CHRDL1: variants seen among roughly 807,000 people sequenced by gnomAD.
CHRDL1 encodes the protein chordin-like protein 1.
A neutral mutation model predicts 40.9 loss-of-function variants in CHRDL1; 19 were observed. The observed-to-expected ratio is 0.46, with a 90% CI of 0.32 to 0.68. The LOEUF (loss-of-function observed/expected upper bound fraction) is 0.68, where lower values mean the gene tolerates loss of function less well. Ranked by LOEUF, CHRDL1 falls within the 30% of genes least tolerant of loss-of-function variation. CHRDL1 has a pLI of 0.03. For missense variants in CHRDL1, 329 were observed against 352.1 expected (o/e 0.93, Z 0.53); for synonymous variants, 136 against 123.4 (o/e 1.10, Z -0.68).
chrX:110,791,525 G>A lies in CHRDL1; in HGVS notation c.94+563C>T, dbSNP rs964270730. On this transcript the variant is annotated intron_variant, in intron 2 of 11. Transcript: ENST00000372042. ...TTCTAGAAATATTCCCTGGCTTTGCGGGGATGTTCTTTTCAATAAATGGCA... is the reference window on the plus strand; with the variant it reads ...TTCTAGAAATATTCCCTGGCTTTGCAGGGATGTTCTTTTCAATAAATGGCA... Among the ~76,000 whole-genome samples the A allele has an allele frequency of 3.6e-5, 4 of 111,701 alleles. No homozygotes were observed. In the Middle Eastern group the frequency reaches 0.018, roughly 510 times the overall value.
chrX:110,760,576 C>T (rs774911960), intron 3 of CHRDL1, among the ~76,000 whole-genome samples: 2 of 111,653 alleles, frequency 1.8e-5, no homozygotes, highest in Non-Finnish European at 3.8e-5. Context: ...ATTTTGACTG[C>T]GTTGCAGACA....
chrX:110,747,044 C>G (rs765450167), intron 4 of CHRDL1, among the ~76,000 whole-genome samples: 1 of 110,623 alleles, frequency 9.0e-6, no homozygotes, highest in South Asian at 3.9e-4. Context: ...ATTGGCCCCC[C>G]CTGCCTTCCT....
chrX:110,684,171 C>T (rs778534278), intron 9 of CHRDL1, among the ~76,000 whole-genome samples: 1 of 112,146 alleles, frequency 8.9e-6, no homozygotes, highest in East Asian at 2.8e-4. Context: ...CAAGGTCAGC[C>T]TCTACCAGAG....
rs2070492318 is a variant in CHRDL1 at position 110,700,588 on chromosome X, C to T, written c.609+66G>A. On this transcript the variant is annotated intron_variant, in intron 7 of 11. Coordinates refer to ENST00000372042, the MANE Select transcript of CHRDL1 (RefSeq NM_001143981.2). ...TTTTTGGATTTGCTAGAATAGTAGC[C>T]ACGAGGAGAGGAAAGCTTGGCCTGA... 8.1e-6 allele frequency: 6 copies of T among 740,932 alleles called. No individual in the cohort carries two copies. In the East Asian group the frequency reaches 1.6e-4, roughly 20 times the overall value. The allele number at this position is 740,932 out of a possible 1,213,427, so 61.1% of individuals were successfully genotyped here. A position where few individuals can be genotyped will look rare whatever the true frequency, so the allele number is the denominator to read the frequency against.
At chrX:110,749,711 T>C in intron 4 of CHRDL1, among the ~76,000 whole-genome samples, 1 of 111,858 alleles carries the variant, frequency 8.9e-6, no homozygotes, top group East Asian at 2.8e-4. Flanking sequence ...GCTGATGGTA[T>C]AAAATTCTAA....
intron 8 of CHRDL1, among the ~76,000 whole-genome samples, chrX:110,692,724 ATTC>A (rs1220970613): frequency 8.9e-6 from 1 of 112,428 alleles, no homozygotes; most frequent in Non-Finnish European, 1.9e-5. Flanking sequence ...AGTATTTCCA[ATTC>A]TTCTACTACA....
At position 110,721,396 on chromosome X, in the gene CHRDL1, A is replaced by T; in HGVS notation, c.436T>A (p.Cys146Ser). 8.3e-7 allele frequency: 1 copy of T among 1,211,173 alleles called. No individual in the cohort carries two copies. The highest frequency in any genetic ancestry group is 1.1e-6 in the Non-Finnish European group (1 of 894,621). Reference sequence around the variant, plus strand: ...ATGTAGGGTCTTACCGAACAGCTGCACTGGGTGCATTGATTGGGTTGCCGA... The same window carrying T: ...ATGTAGGGTCTTACCGAACAGCTGCTCTGGGTGCATTGATTGGGTTGCCGA... Reference protein sequence around the residue: ...QNRQPNQCTQCSCSEGNVYCG... With the variant: ...QNRQPNQCTQSSCSEGNVYCG... The change falls in exon 5 of 12, where the codon TGC (cysteine) becomes AGC (serine). Residue 146 changes from cysteine (C) to serine (S), a missense_variant. Transcript: ENST00000372042.
chrX:110,736,605 G>T (rs1309491292), intron 4 of CHRDL1, among the ~76,000 whole-genome samples: 1 of 111,589 alleles, frequency 9.0e-6, no homozygotes, highest in African/African-American at 3.3e-5. Flanking sequence ...ACCCTCAAAA[G>T]AGGAACAAGG....
chrX:110,686,891 C>CAAAAAAAAAAAAAAAAAAAAAAAA (rs754055781), intron 9 of CHRDL1, among the ~76,000 whole-genome samples: 1 of 85,353 alleles, frequency 1.2e-5, no homozygotes. Flanking sequence ...CTCAAAAAAA[C>CAAAAAAAAAAAAAAAAAAAAAAAA]AAAAAATAAA....
chrX:110,681,584 A>G lies in CHRDL1; in HGVS notation c.1054T>C (p.Tyr352His). Residue 352 changes from tyrosine to histidine, a missense_variant, in exon 10 of 12, where the codon TAT (tyrosine) becomes CAT (histidine). Transcript: ENST00000372042. ...CCATCCTCCATGAATACAGACTCAT[A>G]CACAGGCATCGTTTCTTCCCCGCAG... ...YFCGEETMPV[Y>H]ESVFMEDGET... is the part of the protein sequence containing the mutation. 1 of 1,206,461 alleles carries G rather than the reference A, an allele frequency of 8.3e-7. No individual in the cohort carries two copies. Among genetic ancestry groups the G allele is most frequent in the Non-Finnish European group, 1.1e-6 (1 of 890,614 alleles).
chrX:110,681,063 G>T, intron 10 of CHRDL1, among the ~76,000 whole-genome samples: 1 of 111,934 alleles, frequency 8.9e-6, no homozygotes, highest in Non-Finnish European at 1.9e-5. Flanking sequence ...TGTAATCCTG[G>T]CTACATATTA....
At chrX:110,726,215 T>C (rs898533690) in intron 4 of CHRDL1, among the ~76,000 whole-genome samples, 1 of 111,659 alleles carries the variant, frequency 9.0e-6, no homozygotes, top group Non-Finnish European at 1.9e-5. Flanking sequence ...ATGATCTGAA[T>C]ATTTGTGTGC....
intron 7 of CHRDL1, among the ~76,000 whole-genome samples, chrX:110,695,497 G>A (rs1159258168): frequency 1.8e-5 from 2 of 112,117 alleles, no homozygotes; most frequent in Non-Finnish European, 3.8e-5. Flanking sequence ...TAGGCTGGGG[G>A]TACAAGAAGA....
At chrX:110,715,399 A>C (rs1188174108) in intron 6 of CHRDL1, among the ~76,000 whole-genome samples, 1 of 111,506 alleles carries the variant, frequency 9.0e-6, no homozygotes, top group African/African-American at 3.3e-5. Flanking sequence ...ACTATATAAA[A>C]TATAGTAATT....
chrX:110,717,219 T>G (rs2070858971), intron 6 of CHRDL1, among the ~76,000 whole-genome samples: 1 of 111,540 alleles, frequency 9.0e-6, no homozygotes, highest in African/African-American at 3.3e-5. Context: ...TAAATCAGAA[T>G]CTCTGCAGGT....
chrX:110,771,043 G>A (rs750376102), intron 2 of CHRDL1, among the ~76,000 whole-genome samples: 31 of 109,322 alleles, frequency 2.8e-4, no homozygotes, highest in African/African-American at 1.0e-3. Flanking sequence ...TACTCGGGAG[G>A]CTGAGGCAGG....
chrX:110,741,151 A>T (rs2071353017), intron 4 of CHRDL1, among the ~76,000 whole-genome samples: 1 of 111,988 alleles, frequency 8.9e-6, no homozygotes, highest in South Asian at 3.8e-4. Context: ...AAGCATACAC[A>T]AATCAAAAGT....
chrX:110,791,139 T>C (rs1427766685), intron 2 of CHRDL1, among the ~76,000 whole-genome samples: 1 of 111,181 alleles, frequency 9.0e-6, no homozygotes. Flanking sequence ...CTTCAGATGC[T>C]GCTTCAGTTC....
Position 110,762,505 on chromosome X carries a change from G to A in CHRDL1, c.207+190C>T, listed in dbSNP as rs140297320. Among the ~76,000 whole-genome samples the A allele has an allele frequency of 8.7e-4, 97 of 111,578 alleles. 1 individual carries two copies. The highest frequency in any genetic ancestry group is 1.3e-3 in the Non-Finnish European group (70 of 53,099). On this transcript the variant is annotated intron_variant, in intron 3 of 11. Coordinates refer to ENST00000372042, the MANE Select transcript of CHRDL1 (RefSeq NM_001143981.2). The stretch of plus-strand genomic sequence containing the variant: ...TTACCCATGCTGGTCTAGAACTCCC[G>A]GGCTGAAGTGATCCACATGCCTCAG...
Sources: allele counts gnomAD v4.1 joint callset (sites outside exome capture counted in the v4.1 genomes callset), GRCh38; gene constraint gnomAD v4.1.1; transcripts MANE v1.5; gene names NCBI Gene and HGNC (gene_info 2026-07-23, HGNC 2026-07-21).